CCDC171: variants seen among roughly 807,000 people sequenced by gnomAD.
The protein encoded by CCDC171 is coiled-coil domain-containing protein 171.
CCDC171 carries 177 observed loss-of-function variants against 168.2 expected under a neutral mutation model. That is an observed-to-expected ratio of 1.05 (90% CI 0.93 to 1.19). The LOEUF is 1.19. CCDC171 is among the 50% of genes most tolerant of loss of function. The pLI, the probability that CCDC171 is intolerant of heterozygous loss-of-function variation, is 0.00. For missense variants in CCDC171, 1,991 were observed against 1,539.0 expected (o/e 1.29, Z -4.91); for synonymous variants, 687 against 540.8 (o/e 1.27, Z -3.75).
chr9:15,885,355 TA>T (rs1322002392), intron 24 of CCDC171, among the ~76,000 whole-genome samples: 3 of 152,230 alleles, frequency 2.0e-5, no homozygotes, highest in African/African-American at 7.2e-5. Flanking sequence ...AGGCAAAAAC[TA>T]AATTCTAAAC....
intron 21 of CCDC171, among the ~76,000 whole-genome samples, chr9:15,801,271 C>A (rs746901738): frequency 5.3e-5 from 8 of 151,724 alleles, no homozygotes; most frequent in African/African-American, 9.7e-5. Context: ...ATTATTTTTG[C>A]ACTCTTTTCC....
chr9:15,671,579 A>C (rs538912236), intron 9 of CCDC171, among the ~76,000 whole-genome samples: 1 of 149,020 alleles, frequency 6.7e-6, no homozygotes. Context: ...TCATTGTTCA[A>C]TTCCCACCTA....
At chr9:15,836,222 C>T (rs1471983780) in intron 21 of CCDC171, among the ~76,000 whole-genome samples, 1 of 152,192 alleles carries the variant, frequency 6.6e-6, no homozygotes, top group Non-Finnish European at 1.5e-5. Context: ...GACTTTACAA[C>T]CACAAGTGAT....
chr9:15,566,072 T>G (rs947832101), intron 2 of CCDC171, among the ~76,000 whole-genome samples: 2 of 152,238 alleles, frequency 1.3e-5, no homozygotes, highest in Admixed American at 1.3e-4. Flanking sequence ...TATATGTTAT[T>G]GTGGTTATAA....
At chr9:15,925,167 A>G (rs2132058691) in intron 25 of CCDC171, among the ~76,000 whole-genome samples, 1 of 151,730 alleles carries the variant, frequency 6.6e-6, no homozygotes, top group South Asian at 2.1e-4. Flanking sequence ...ATTACTAACC[A>G]AGACAATGCA....
intron 8 of CCDC171, among the ~76,000 whole-genome samples, chr9:15,659,685 G>T (rs996473910): frequency 1.3e-5 from 2 of 152,156 alleles, no homozygotes; most frequent in African/African-American, 4.8e-5. Flanking sequence ...TTTGGCTTTA[G>T]CAAGTTTGAA....
At chr9:15,735,599 T>A (rs2054442009) in intron 16 of CCDC171, among the ~76,000 whole-genome samples, 1 of 152,212 alleles carries the variant, frequency 6.6e-6, no homozygotes, top group Non-Finnish European at 1.5e-5. Flanking sequence ...TATTCTTCTT[T>A]TACTGTGGTA....
At chr9:15,587,292 C>G (rs2041640293) in intron 4 of CCDC171, among the ~76,000 whole-genome samples, 3 of 152,052 alleles carry the variant, frequency 2.0e-5, no homozygotes, top group Non-Finnish European at 2.9e-5. Context: ...TGGGAGGGAC[C>G]CAGTGGGAGA....
At chr9:15,757,102 A>G (rs1048070119) in intron 18 of CCDC171, among the ~76,000 whole-genome samples, 2 of 152,248 alleles carry the variant, frequency 1.3e-5, no homozygotes, top group Non-Finnish European at 2.9e-5. Context: ...AAATGTGGAA[A>G]GATACCTGAA....
At chr9:15,641,571 T>TTTCA (rs2046609396) in intron 7 of CCDC171, among the ~76,000 whole-genome samples, 1 of 152,208 alleles carries the variant, frequency 6.6e-6, no homozygotes, top group Admixed American at 6.5e-5. Context: ...GCTGCTGAAT[T>TTTCA]GGAGTCTTCA....
chr9:15,744,834 A>G (rs2055157497), intron 17 of CCDC171, 57 bp downstream of exon 17: 1 of 1,503,324 alleles, frequency 6.7e-7, no homozygotes, highest in Middle Eastern at 1.8e-4. Flanking sequence ...ATACAGTGTG[A>G]CTATACCTGG....
intron 24 of CCDC171, among the ~76,000 whole-genome samples, chr9:15,917,241 G>A (rs991029736): frequency 1.3e-5 from 2 of 151,750 alleles, no homozygotes; most frequent in Non-Finnish European, 3.0e-5. Flanking sequence ...TGCCATTTCA[G>A]TGATACTCCT....
Position 15,572,140 on chromosome 9 carries a change from A to G in CCDC171, c.177+381A>G, listed in dbSNP as rs536927608. 1.2e-3 allele frequency among the ~76,000 whole-genome samples: 180 copies of G among 152,262 alleles called. 1 individual carries two copies. Among genetic ancestry groups the G allele is most frequent in the African/African-American group, 3.6e-3 (148 of 41,572 alleles). ...AGTAAATTTGAGTATGGAATTTTTA[A>G]TCATAGTTCAGTTCATAAATTGTCT... is the stretch of plus-strand genomic sequence containing the variant. On this transcript the variant is annotated intron_variant, in intron 3 of 25. Coordinates refer to ENST00000380701, the MANE Select transcript of CCDC171 (RefSeq NM_173550.4).
intron 8 of CCDC171, among the ~76,000 whole-genome samples, chr9:16,037,737 A>G (rs776142316): frequency 2.6e-5 from 4 of 152,198 alleles, no homozygotes; most frequent in Non-Finnish European, 5.9e-5. Context: ...TGGTTAAAGA[A>G]AAAAGTAGTA....
At chr9:15,945,908 C>T (rs10810491) in intron 25 of CCDC171, among the ~76,000 whole-genome samples, 5 of 146,638 alleles carry the variant, frequency 3.4e-5, no homozygotes, top group Non-Finnish European at 7.6e-5. Flanking sequence ...GTCAATTTTG[C>T]CTTTGGTTGC....
intron 16 of CCDC171, among the ~76,000 whole-genome samples, chr9:15,740,725 C>T (rs1455462669): frequency 1.3e-5 from 2 of 152,176 alleles, no homozygotes; most frequent in Non-Finnish European, 2.9e-5. Context: ...CAGGCATGAG[C>T]CACCGTGCCC....
intron 10 of CCDC171, among the ~76,000 whole-genome samples, chr9:15,690,925 TTAAA>T (rs2133677091): frequency 6.6e-6 from 1 of 152,240 alleles, no homozygotes; most frequent in South Asian, 2.1e-4. Context: ...TAAATGCACA[TTAAA>T]TAAGTTGATA....
chr9:15,585,961 G>A (rs1434204505), intron 4 of CCDC171, among the ~76,000 whole-genome samples: 2 of 152,138 alleles, frequency 1.3e-5, no homozygotes, highest in African/African-American at 4.8e-5. Context: ...GGATGACAGA[G>A]TGAGACTCTG....
At chr9:15,879,591 T>C (rs1169755863) in intron 24 of CCDC171, among the ~76,000 whole-genome samples, 1 of 152,178 alleles carries the variant, frequency 6.6e-6, no homozygotes, top group Non-Finnish European at 1.5e-5. Flanking sequence ...CCATACTATT[T>C]GTGTGCATTG....
Sources: allele counts gnomAD v4.1 joint callset (sites outside exome capture counted in the v4.1 genomes callset), GRCh38; gene constraint gnomAD v4.1.1; transcripts MANE v1.5; gene names NCBI Gene and HGNC (gene_info 2026-07-23, HGNC 2026-07-21).